The following CCDC141 variants were observed in gnomAD, a reference collection of about 807,000 sequenced individuals.
The protein encoded by CCDC141 is coiled-coil domain containing 141.
Under a neutral mutation model 181.0 loss-of-function variants are expected in CCDC141, and 168 were observed. The observed-to-expected ratio is 0.93, with a 90% CI of 0.82 to 1.05. CCDC141 has a LOEUF of 1.05. Ranked by LOEUF, CCDC141 falls within the 50% of genes least tolerant of loss-of-function variation. CCDC141 has a pLI of 0.00. For missense variants in CCDC141, 1,902 were observed against 1,788.5 expected (o/e 1.06, Z -1.14); for synonymous variants, 666 against 642.3 (o/e 1.04, Z -0.56).
the CCDC141 span, among the ~76,000 whole-genome samples, chr2:178,822,263 G>A: frequency 0.012 from 1,830 of 151,878 alleles, 35 homozygotes; most frequent in African/African-American, 0.041. Flanking sequence ...GTTGTGGGGT[G>A]GGGGGAGTGG....
At chr2:178,815,292 A>C in the CCDC141 span, among the ~76,000 whole-genome samples, 1 of 152,198 alleles carries the variant, frequency 6.6e-6, no homozygotes, top group African/African-American at 2.4e-5. Flanking sequence ...TCATATTTTA[A>C]GGAAATGAGA....
chr2:178,973,135 A>G (rs1472859885), intron 4 of CCDC141, among the ~76,000 whole-genome samples: 2 of 152,210 alleles, frequency 1.3e-5, no homozygotes, highest in African/African-American at 2.4e-5. Context: ...TCACCCTTTA[A>G]TATGCATTTC....
In CCDC141 at chr2:178,836,916, A is replaced by G. The variant is rs1414477629; in HGVS notation, c.4303T>C (p.Phe1435Leu). The change falls in exon 23 of 24, where the codon TTT becomes CTT. Residue 1435 changes from phenylalanine (F) to leucine (L), a missense_variant. By Grantham distance (22) the Phe-to-Leu change is conservative (BLOSUM62 0). Transcript: ENST00000443758. The stretch of plus-strand genomic sequence containing the variant: ...CACCATGTCAGTGTAGGCTCTGGAA[A>G]TCCTGTTACTTCAACTTCCAAAGTC... ...PVTLEVEVTG[F>L]PEPTLTWYKK... The G allele has an allele frequency of 1.9e-6, 3 of 1,612,320 alleles. No individual in the cohort carries two copies. The South Asian group carries it at 3.3e-5, about 18-fold the overall frequency.
rs1339824988 is a variant in CCDC141 at position 179,022,195 on chromosome 2, A to G, written c.225+25089T>C. Reference sequence around the variant, plus strand: ...GTTTGGATTTCACTACCTTTTTTGCAGAGTTCTGTGGCCTTTCAAGTGACC... The same window carrying G: ...GTTTGGATTTCACTACCTTTTTTGCGGAGTTCTGTGGCCTTTCAAGTGACC... On this transcript the variant is annotated intron_variant, in intron 2 of 23. Coordinates refer to ENST00000443758, the MANE Select transcript of CCDC141 (RefSeq NM_173648.4). Among the ~76,000 whole-genome samples, 4 of 152,134 alleles carry G rather than the reference A, an allele frequency of 2.6e-5. No individual in the cohort carries two copies. The South Asian group carries it at 6.2e-4, about 24-fold the overall frequency.
chr2:178,951,812 G>C (rs923635855), intron 5 of CCDC141, among the ~76,000 whole-genome samples: 1 of 152,138 alleles, frequency 6.6e-6, no homozygotes, highest in African/African-American at 2.4e-5. Context: ...CATACAATGT[G>C]CATGAGGGTT....
At chr2:178,956,977 T>G (rs1404193455) in intron 5 of CCDC141, among the ~76,000 whole-genome samples, 1 of 152,118 alleles carries the variant, frequency 6.6e-6, no homozygotes, top group Non-Finnish European at 1.5e-5. Flanking sequence ...CCTCCCAGGT[T>G]CACGCAATTC....
intron 2 of CCDC141, among the ~76,000 whole-genome samples, chr2:179,001,129 C>A (rs2041958103): frequency 6.6e-6 from 1 of 152,068 alleles, no homozygotes; most frequent in Admixed American, 6.6e-5. Flanking sequence ...TGAAAAAAGT[C>A]AAACACTGCC....
At chr2:178,905,597 A>G in intron 7 of CCDC141, 96 bp from the exon 8 acceptor site, 1 of 1,096,238 alleles carries the variant, frequency 9.1e-7, no homozygotes. Context: ...AGGCCAAACA[A>G]TTTGTTAGTT....
At chr2:178,927,429 G>A (rs77206429) in intron 6 of CCDC141, among the ~76,000 whole-genome samples, 7,127 of 152,066 alleles carry the variant, frequency 0.047, 215 homozygotes, top group South Asian at 0.079. Flanking sequence ...ATACGTGCAG[G>A]GATTTCAGCT....
chr2:178,997,632 T>C (rs1692346782), intron 2 of CCDC141, among the ~76,000 whole-genome samples: 1 of 152,140 alleles, frequency 6.6e-6, no homozygotes, highest in Non-Finnish European at 1.5e-5. Flanking sequence ...TGAGGAAGGA[T>C]TGTCCCACCA....
chr2:178,902,844 C>T lies in CCDC141; in HGVS notation c.1265+2485G>A, dbSNP rs879902316. On this transcript the variant is annotated intron_variant, in intron 8 of 23. Transcript: ENST00000443758. Reference sequence around the variant, plus strand: ...AACCTACAAAATGGGAGAAAATTTTCGCAACCTACTCATCTGACAAAGGGC... The same window carrying T: ...AACCTACAAAATGGGAGAAAATTTTTGCAACCTACTCATCTGACAAAGGGC... 2.0e-3 allele frequency among the ~76,000 whole-genome samples: 303 copies of T among 149,336 alleles called. 1 individual carries two copies. The highest frequency in any genetic ancestry group is 3.3e-3 in the Non-Finnish European group (226 of 67,634).
intron 6 of CCDC141, among the ~76,000 whole-genome samples, chr2:178,929,168 A>G (rs1469482655): frequency 1.3e-5 from 2 of 152,210 alleles, no homozygotes; most frequent in African/African-American, 4.8e-5. Context: ...TAGATGAAAC[A>G]TTATAAAACA....
intron 12 of CCDC141, among the ~76,000 whole-genome samples, 200 bp from the exon 13 acceptor site, chr2:178,872,512 C>T (rs546490461): frequency 2.6e-5 from 4 of 152,210 alleles, no homozygotes; most frequent in East Asian, 1.9e-4. Context: ...CATCCGGTCC[C>T]GAGTTCTTCA....
chr2:179,043,134 A>C (rs2043367577), intron 2 of CCDC141, among the ~76,000 whole-genome samples: 2 of 152,294 alleles, frequency 1.3e-5, no homozygotes, highest in South Asian at 4.1e-4. Context: ...AAAATGAATA[A>C]ATTCCTGGAC....
chr2:178,922,915 CATGAACTCTGTGGGTATTAA>C (rs1439253706), intron 6 of CCDC141, among the ~76,000 whole-genome samples: 1 of 152,166 alleles, frequency 6.6e-6, no homozygotes, highest in African/African-American at 2.4e-5. Flanking sequence ...TACATTTTCA[CATGAACTCTGTGGGTATTAA>C]ATGAAGCTGG....
the CCDC141 span, among the ~76,000 whole-genome samples, chr2:178,816,461 C>A: frequency 1.3e-5 from 2 of 152,186 alleles, no homozygotes; most frequent in African/African-American, 4.8e-5. Context: ...ATCTTGTTTG[C>A]TTCCAAGTTT....
chr2:178,899,273 T>C (rs915027553), intron 8 of CCDC141, among the ~76,000 whole-genome samples: 1 of 152,118 alleles, frequency 6.6e-6, no homozygotes, highest in African/African-American at 2.4e-5. Context: ...GGTATGTGTG[T>C]AAGATGTGTG....
chr2:178,815,062 C>T, the CCDC141 span, among the ~76,000 whole-genome samples: 1 of 152,164 alleles, frequency 6.6e-6, no homozygotes, highest in African/African-American at 2.4e-5. Context: ...AAGAAATGAG[C>T]TCTGTTGGCA....
At position 178,962,633 on chromosome 2, in the gene CCDC141, T is replaced by C. The variant is rs1690456706; in HGVS notation, c.527-1150A>G. Among the ~76,000 whole-genome samples, 3 of 132,314 alleles carry C rather than the reference T, an allele frequency of 2.3e-5. No homozygotes were observed. In the East Asian group the frequency reaches 8.5e-4, roughly 38 times the overall value. The allele number at this position is 132,314 out of a possible 152,430, so 86.8% of individuals were successfully genotyped here. A position where few individuals can be genotyped will look rare whatever the true frequency, so the allele number is the denominator to read the frequency against. On this transcript the variant is annotated intron_variant, in intron 4 of 23. Transcript: ENST00000443758. ...TCTTTCTTTTCCTTCTTTCCTTCTTTCTTTCCTTTCCTTCTTTCTTTCTTT... is the reference window on the plus strand; with the variant it reads ...TCTTTCTTTTCCTTCTTTCCTTCTTCCTTTCCTTTCCTTCTTTCTTTCTTT...
Sources: allele counts gnomAD v4.1 joint callset (sites outside exome capture counted in the v4.1 genomes callset), GRCh38; gene constraint gnomAD v4.1.1; transcripts MANE v1.5; gene names NCBI Gene and HGNC (gene_info 2026-07-23, HGNC 2026-07-21).